Variants in MKNK1 observed in about 807,000 individuals in gnomAD.
MKNK1 encodes MAPK interacting serine/threonine kinase 1.
MKNK1 carries 30 observed loss-of-function variants against 49.3 expected under a neutral mutation model. The ratio of observed to expected loss-of-function variants is 0.61; its 90% CI spans 0.46 to 0.83. The LOEUF (loss-of-function observed/expected upper bound fraction) is 0.83. MKNK1 is among the 40% of genes least tolerant of loss of function. The pLI, the probability that MKNK1 is intolerant of heterozygous loss-of-function variation, is 0.00. For synonymous variants in MKNK1, 176 were observed against 201.7 expected (o/e 0.87, Z 1.08); for missense variants, 423 against 524.7 (o/e 0.81, Z 1.89).
intron 6 of MKNK1, among the ~76,000 whole-genome samples, chr1:46,572,753 T>C (rs1488881733): frequency 2.6e-5 from 4 of 152,164 alleles, no homozygotes; most frequent in African/African-American, 7.2e-5. Context: ...ACACTAATGA[T>C]GCTGAGGCTG....
chr1:46,569,971 T>C (rs1054743), intron 7 of MKNK1: 14,936 of 152,278 alleles, frequency 0.098, 983 homozygotes, highest in East Asian at 0.23. Flanking sequence ...CTCCGGTTCA[T>C]TTCCCAGAGG....
intron 3 of MKNK1, chr1:46,582,877 C>G: frequency 2.0e-6 from 1 of 491,364 alleles, no homozygotes; most frequent in South Asian, 1.5e-5. Flanking sequence ...TTATATAGTT[C>G]TATCTCTCAG....
At chr1:46,593,293 G>T (rs1051328458) in intron 2 of MKNK1, among the ~76,000 whole-genome samples, 5 of 152,138 alleles carry the variant, frequency 3.3e-5, no homozygotes, top group African/African-American at 1.2e-4. Flanking sequence ...CCGCCTCCCG[G>T]GTTCAAGCAA....
chr1:46,571,568 AATAG>A (rs1370428909), intron 7 of MKNK1: 1 of 432,134 alleles, frequency 2.3e-6, no homozygotes, highest in East Asian at 7.4e-5. Flanking sequence ...GAAAAAGAAA[AATAG>A]ATTTTTCATT....
At chr1:46,576,476 G>C in intron 5 of MKNK1, 99 bp downstream of exon 5, 1 of 978,038 alleles carries the variant, frequency 1.0e-6, no homozygotes, top group Non-Finnish European at 1.6e-6. Context: ...GGACAGGAGT[G>C]AGAGCTAAAT....
At chr1:46,593,198 C>T (rs1673580727) in intron 2 of MKNK1, among the ~76,000 whole-genome samples, 1 of 152,122 alleles carries the variant, frequency 6.6e-6, no homozygotes, top group African/African-American at 2.4e-5. Context: ...AGACACATCT[C>T]AAATTATTAT....
intron 8 of MKNK1, among the ~76,000 whole-genome samples, chr1:46,565,908 C>T (rs72679868): frequency 6.6e-6 from 1 of 152,246 alleles, no homozygotes; most frequent in Non-Finnish European, 1.5e-5. Flanking sequence ...TCTCCCCTTC[C>T]TTCCTCCCTC....
At chr1:46,568,165 A>G in intron 8 of MKNK1, 1 of 359,262 alleles carries the variant, frequency 2.8e-6, no homozygotes, top group Non-Finnish European at 5.1e-6. Context: ...AACTGATATA[A>G]AGATAGATGC....
rs1216117338 is a variant in MKNK1, at chr1:46,583,293, C to T, written c.35G>A (p.Gly12Asp). ...CCGCTTCTTCTTCCTCCTCCTGTCA[C>T]CATCTGCGATGGGAAGGGGTTCGCT... is the stretch of plus-strand genomic sequence containing the variant. Reference protein sequence around the residue: ...GSSEPLPIADGDRRRKKKRRG... With the variant: ...GSSEPLPIADDDRRRKKKRRG... The change falls in exon 3 of 13, where the codon GGT (glycine) becomes GAT (aspartate). Residue 12 changes from glycine (G) to aspartate (D), a missense_variant. Coordinates refer to ENST00000371945, the MANE Select transcript of MKNK1 (RefSeq NM_001135553.4). 6.2e-7 allele frequency: 1 copy of T among 1,613,978 alleles called. No homozygotes were observed. The highest frequency in any genetic ancestry group is 1.1e-5 in the South Asian group (1 of 91,060).
intron 3 of MKNK1, among the ~76,000 whole-genome samples, chr1:46,581,508 C>CA (rs36099600): frequency 0.032 from 1,320 of 41,666 alleles, 82 homozygotes; most frequent in Middle Eastern, 0.053. Flanking sequence ...GACCCCATAT[C>CA]AAAAAAAAAA....
At chr1:46,564,044 C>A (rs1379224469) in intron 9 of MKNK1, among the ~76,000 whole-genome samples, 161 of 39,066 alleles carry the variant, frequency 4.1e-3, no homozygotes, top group South Asian at 0.011. Context: ...GACTCTGTCT[C>A]AAAAAAAAAA....
At chr1:46,572,257 A>G in intron 6 of MKNK1, 90 bp from the exon 7 acceptor site, 1 of 1,078,546 alleles carries the variant, frequency 9.3e-7, no homozygotes. Context: ...TCTGTTACCC[A>G]GGCTGGAGAG....
chr1:46,576,389 G>A lies in MKNK1; in HGVS notation c.278+186C>T, dbSNP rs1045298121. 5.2e-6 allele frequency: 3 copies of A among 572,098 alleles called. No homozygotes were observed. The Admixed American group carries it at 9.1e-5, about 17-fold the overall frequency. The allele number at this position is 572,098 out of a possible 1,614,324, so 35.4% of individuals were successfully genotyped here. A position where few individuals can be genotyped will look rare whatever the true frequency, so the allele number is the denominator to read the frequency against. ...TTACAGTATTTCAGAAGAGATAATA[G>A]CTCCTTTGCTGTTACTGCTGCTTTT... On this transcript the variant is annotated intron_variant, in intron 5 of 12. Transcript: ENST00000371945.
At chr1:46,580,669 C>G (rs772497409) in intron 3 of MKNK1, 42 bp from the exon 4 acceptor site, 16 of 1,412,070 alleles carry the variant, frequency 1.1e-5, no homozygotes, top group Non-Finnish European at 1.4e-5. Context: ...GATGAGTCAC[C>G]CTACTGCAAG....
rs578193339 is a variant in MKNK1, at chr1:46,574,962, C to T, written c.337G>A (p.Glu113Lys). The change falls in exon 6 of 13, where the codon GAG (glutamate) becomes AAG (lysine). Residue 113 changes from glutamate to lysine, a missense_variant. Transcript: ENST00000371945. Reference sequence around the variant, plus strand: ...CGGTAAGTACCTCCTTGCAATTTCTCAAAGACCAAGTAAAACCTTGTGTCA... The same window carrying T: ...CGGTAAGTACCTCCTTGCAATTTCTTAAAGACCAAGTAAAACCTTGTGTCA... Reference protein sequence around the residue: ...EDDTRFYLVFEKLQGGSILAH... With the variant: ...EDDTRFYLVFKKLQGGSILAH... 9.9e-6 allele frequency: 16 copies of T among 1,612,888 alleles called. No individual in the cohort carries two copies. The highest frequency in any genetic ancestry group is 1.4e-5 in the Non-Finnish European group (16 of 1,179,198).
chr1:46,558,495 TCAG>T lies in MKNK1; in HGVS notation c.*77_*79del, dbSNP rs1473038581. 3 of 1,385,626 alleles carry T rather than the reference TCAG, an allele frequency of 2.2e-6. No individual in the cohort carries two copies. In the African/African-American group the frequency reaches 4.4e-5, roughly 20 times the overall value. The allele number at this position is 1,385,626 out of a possible 1,614,324, so 85.8% of individuals were successfully genotyped here. ...CCACAGAGCAGAGGCTGCTGCCTGC[TCAG>T]CAGACTTTAGCCACACAGGTTTCCA... On this transcript the variant is annotated 3_prime_UTR_variant, in exon 13 of 13. Transcript: ENST00000371945.
At chr1:46,559,887 T>G (rs1342245990) in intron 12 of MKNK1, 2 of 378,056 alleles carry the variant, frequency 5.3e-6, no homozygotes, top group East Asian at 5.2e-5. Flanking sequence ...TCTGCTCCTT[T>G]CATTAAATAC....
intron 5 of MKNK1, chr1:46,576,267 A>G: frequency 3.2e-6 from 1 of 315,720 alleles, no homozygotes; most frequent in Non-Finnish European, 6.0e-6. Flanking sequence ...CAGTCAACCT[A>G]GTTTCCACAG....
Position 46,594,007 on chromosome 1 carries a change from A to G in MKNK1, c.-3+106T>C. The G allele has an allele frequency of 8.8e-6, 7 of 793,406 alleles. No homozygotes were observed. The South Asian group carries it at 1.1e-4, about 13-fold the overall frequency. The allele number at this position is 793,406 out of a possible 1,614,324, so 49.1% of individuals were successfully genotyped here. A position where few individuals can be genotyped will look rare whatever the true frequency, so the allele number is the denominator to read the frequency against. ...TCCGCTATTCCTAGCTAACTAACTAAGTGCTGAAAACCACGGTCTCTTACC... is the reference window on the plus strand; with the variant it reads ...TCCGCTATTCCTAGCTAACTAACTAGGTGCTGAAAACCACGGTCTCTTACC... On this transcript the variant is annotated intron_variant, in intron 2 of 12. Transcript: ENST00000371945.
Sources: allele counts gnomAD v4.1 joint callset (sites outside exome capture counted in the v4.1 genomes callset), GRCh38; gene constraint gnomAD v4.1.1; transcripts MANE v1.5; gene names NCBI Gene and HGNC (gene_info 2026-07-23, HGNC 2026-07-21).